Variants in NUDCD1 observed in about 807,000 individuals in gnomAD.
The protein encoded by NUDCD1 is nudC domain-containing protein 1.
NUDCD1 carries 60 observed loss-of-function variants against 67.8 expected under a neutral mutation model. The observed-to-expected ratio is 0.88, with a 90% CI of 0.72 to 1.10. The LOEUF is 1.10. Among genes scored for constraint, NUDCD1 ranks in the 50% least tolerant of loss-of-function variants. NUDCD1 has a pLI of 0.00. For missense variants in NUDCD1, 643 were observed against 695.0 expected (o/e 0.93, Z 0.84); for synonymous variants, 244 against 230.8 (o/e 1.06, Z -0.52).
Position 109,242,283 on chromosome 8 carries a change from T to C in NUDCD1, c.*726A>G, listed in dbSNP as rs1813385100. 1 of 395,124 alleles carries C rather than the reference T, an allele frequency of 2.5e-6. No individual in the cohort carries two copies. The highest frequency in any genetic ancestry group is 4.5e-6 in the Non-Finnish European group (1 of 224,010). 24.5% of individuals were successfully genotyped at this position (395,124 alleles called of 1,614,324 possible). On this transcript the variant is annotated 3_prime_UTR_variant, in exon 10 of 10. Transcript: ENST00000239690. ...TTCTCTACTATGGAAAGAAGATTCG[T>C]CTAGTCTACTGGAGGCTGAGAGGCC...
At chr8:109,286,614 T>C (rs1218170997) in intron 5 of NUDCD1, among the ~76,000 whole-genome samples, 1 of 152,070 alleles carries the variant, frequency 6.6e-6, no homozygotes, top group East Asian at 1.9e-4. Flanking sequence ...CCTCTCACCA[T>C]ATACAAAAAT....
intron 4 of NUDCD1, among the ~76,000 whole-genome samples, chr8:109,291,570 T>G (rs1258740860): frequency 6.6e-6 from 1 of 151,178 alleles, no homozygotes; most frequent in Non-Finnish European, 1.5e-5. Context: ...TCATTCAAAA[T>G]AGTTTACGAA....
At chr8:109,251,184 T>TC (rs1312661739) in intron 8 of NUDCD1, among the ~76,000 whole-genome samples, 1 of 150,612 alleles carries the variant, frequency 6.6e-6, no homozygotes, top group Admixed American at 6.6e-5. Flanking sequence ...TTTTTTTTCT[T>TC]TTTTTTTTGG....
At chr8:109,299,264 G>C (rs1231324548) in intron 2 of NUDCD1, among the ~76,000 whole-genome samples, 2 of 152,194 alleles carry the variant, frequency 1.3e-5, no homozygotes, top group African/African-American at 4.8e-5. Flanking sequence ...AGAACTCAGG[G>C]AAGGGTGTGA....
intron 2 of NUDCD1, among the ~76,000 whole-genome samples, chr8:109,296,779 A>C (rs2130045579): frequency 6.6e-6 from 1 of 152,322 alleles, no homozygotes; most frequent in Non-Finnish European, 1.5e-5. Flanking sequence ...ACTAGGTCAT[A>C]AAAGACTTTA....
intron 6 of NUDCD1, among the ~76,000 whole-genome samples, chr8:109,277,871 C>A (rs925760471): frequency 6.6e-6 from 1 of 152,016 alleles, no homozygotes; most frequent in African/African-American, 2.4e-5. Flanking sequence ...TGTGGAGATA[C>A]AAAATACTTT....
intron 2 of NUDCD1, among the ~76,000 whole-genome samples, chr8:109,310,810 C>CTTTTTTT (rs59611956): frequency 2.7e-5 from 2 of 75,196 alleles, no homozygotes; most frequent in African/African-American, 5.1e-5. Flanking sequence ...ATAGACAATT[C>CTTTTTTT]TTTTTTTTTT....
chr8:109,333,149 GTTA>G (rs1055901259), intron 1 of NUDCD1, among the ~76,000 whole-genome samples: 1 of 152,152 alleles, frequency 6.6e-6, no homozygotes, highest in Non-Finnish European at 1.5e-5. Context: ...TTTAATGTCT[GTTA>G]TTATAATTAA....
intron 8 of NUDCD1, among the ~76,000 whole-genome samples, chr8:109,265,007 A>G (rs1328640523): frequency 2.0e-5 from 3 of 152,038 alleles, no homozygotes; most frequent in Non-Finnish European, 4.4e-5. Context: ...AATTAAGTAC[A>G]CCAAAAAGCT....
intron 9 of NUDCD1, 123 bp downstream of exon 9, chr8:109,245,199 C>A (rs865920566): frequency 2.8e-5 from 25 of 895,086 alleles, no homozygotes; most frequent in South Asian, 5.8e-5. Flanking sequence ...CAAATCATAG[C>A]GCAAATCAAT....
chr8:109,284,390 C>T (rs1269171457), intron 5 of NUDCD1, among the ~76,000 whole-genome samples: 1 of 151,804 alleles, frequency 6.6e-6, no homozygotes, highest in Non-Finnish European at 1.5e-5. Flanking sequence ...AGGTAGAAAA[C>T]TAAAGAAAAA....
intron 6 of NUDCD1, among the ~76,000 whole-genome samples, chr8:109,279,769 T>C (rs1814386999): frequency 6.6e-6 from 1 of 152,144 alleles, no homozygotes; most frequent in South Asian, 2.1e-4. Context: ...GTAGCTGGGA[T>C]TACAGGCACC....
chr8:109,311,559 G>A (rs200734222), intron 2 of NUDCD1, among the ~76,000 whole-genome samples: 6,745 of 124,082 alleles, frequency 0.054, 447 homozygotes, highest in Middle Eastern at 0.084. Flanking sequence ...AAACTGTGGT[G>A]TATATATATA....
At chr8:109,318,907 G>A (rs1285253182) in intron 2 of NUDCD1, among the ~76,000 whole-genome samples, 5 of 151,086 alleles carry the variant, frequency 3.3e-5, no homozygotes, top group South Asian at 2.1e-4. Flanking sequence ...CCATGGCCTC[G>A]TCCAGTGGGT....
intron 1 of NUDCD1, among the ~76,000 whole-genome samples, chr8:109,331,380 G>C (rs1458032487): frequency 6.6e-6 from 1 of 152,038 alleles, no homozygotes; most frequent in African/African-American, 2.4e-5. Context: ...GCTGGGCATG[G>C]TGGCGGGCGC....
intron 3 of NUDCD1, among the ~76,000 whole-genome samples, chr8:109,295,502 C>A (rs1223141207): frequency 1.3e-5 from 2 of 152,132 alleles, no homozygotes; most frequent in Admixed American, 6.6e-5. Flanking sequence ...TTTGAACATA[C>A]TATAATTTGG....
chr8:109,276,812 T>A (rs1480521693), intron 6 of NUDCD1, among the ~76,000 whole-genome samples: 1 of 151,992 alleles, frequency 6.6e-6, no homozygotes, highest in African/African-American at 2.4e-5. Flanking sequence ...GGCCACGCCA[T>A]CATGCCCACC....
intron 2 of NUDCD1, among the ~76,000 whole-genome samples, chr8:109,297,044 C>T (rs1814860934): frequency 6.6e-6 from 1 of 152,198 alleles, no homozygotes; most frequent in East Asian, 1.9e-4. Context: ...CCAGACCACC[C>T]ACCTGAACTA....
chr8:109,314,106 C>A (rs1815329092), intron 2 of NUDCD1, among the ~76,000 whole-genome samples: 1 of 152,192 alleles, frequency 6.6e-6, no homozygotes, highest in African/African-American at 2.4e-5. Context: ...TGAATAACCT[C>A]TATTGACAAT....
Sources: gnomAD v4.1 joint callset for allele counts (sites outside exome capture counted in the v4.1 genomes callset) on GRCh38, gnomAD v4.1.1 for gene constraint, MANE v1.5 for transcripts, NCBI Gene and HGNC (gene_info 2026-07-23, HGNC 2026-07-21) for gene names.